Variants in SLC26A7 observed in about 807,000 individuals in gnomAD.
SLC26A7 encodes anion exchange transporter.
Under a neutral mutation model 82.5 loss-of-function variants are expected in SLC26A7, and 59 were observed. That is an observed-to-expected ratio of 0.72 (90% CI 0.58 to 0.89). The LOEUF (loss-of-function observed/expected upper bound fraction) is 0.89. Among genes scored for constraint, SLC26A7 ranks in the 40% least tolerant of loss-of-function variants. SLC26A7 has a pLI of 0.00. For missense variants in SLC26A7, 820 were observed against 793.0 expected, an observed-to-expected ratio of 1.03 and a Z score of -0.41; for synonymous variants, 271 against 274.3, an observed-to-expected ratio of 0.99 and a Z score of 0.12.
intron 10 of SLC26A7, among the ~76,000 whole-genome samples, 186 bp from the exon 11 acceptor site, chr8:91,352,710 ATATAT>A (rs1813750926): frequency 6.6e-6 from 1 of 152,088 alleles, no homozygotes; most frequent in Non-Finnish European, 1.5e-5. Context: ...ATTCTAGAAT[ATATAT>A]TATATTCCTA....
At chr8:91,244,391 T>C (rs991196118), upstream of SLC26A7, among the ~76,000 whole-genome samples, 1 of 151,814 alleles carries the variant, frequency 6.6e-6, no homozygotes, top group Non-Finnish European at 1.5e-5. Context: ...CTCCCCTCTT[T>C]CCCTCTTTTC....
rs75203402 is a variant in SLC26A7 at position 91,264,606 on chromosome 8, C to T, written c.193+14762C>T. On this transcript the variant is annotated intron_variant, in intron 2 of 18. Coordinates refer to ENST00000276609, the MANE Select transcript of SLC26A7 (RefSeq NM_052832.4). Reference sequence around the variant, plus strand: ...ATGATGTTGTTTCTATTGTTGATAGCTCTGTATTACAGGTCACTTAATCTC... The same window carrying T: ...ATGATGTTGTTTCTATTGTTGATAGTTCTGTATTACAGGTCACTTAATCTC... Among the ~76,000 whole-genome samples, 675 of 152,076 alleles carry T rather than the reference C, an allele frequency of 4.4e-3. 5 individuals carry two copies. The highest frequency in any genetic ancestry group is 0.016 in the African/African-American group (656 of 41,514).
chr8:91,329,969 G>C (rs371266726), intron 5 of SLC26A7, among the ~76,000 whole-genome samples: 18 of 152,170 alleles, frequency 1.2e-4, no homozygotes, highest in African/African-American at 4.3e-4. Flanking sequence ...CCACAACATA[G>C]AGACAGAGAG....
intron 2 of SLC26A7, among the ~76,000 whole-genome samples, chr8:91,231,603 T>G (rs1406691445): frequency 6.6e-6 from 1 of 152,198 alleles, no homozygotes; most frequent in African/African-American, 2.4e-5. Context: ...CTTTTTCTGT[T>G]TCTTCTGAAG....
chr8:91,325,246 G>A (rs1812900348), intron 5 of SLC26A7, among the ~76,000 whole-genome samples: 1 of 152,080 alleles, frequency 6.6e-6, no homozygotes, highest in Admixed American at 6.6e-5. Flanking sequence ...AATTAATTAA[G>A]ACATTAAATG....
At chr8:91,387,492 C>G (rs1471631794) in intron 15 of SLC26A7, among the ~76,000 whole-genome samples, 2 of 152,188 alleles carry the variant, frequency 1.3e-5, no homozygotes, top group East Asian at 3.9e-4. Flanking sequence ...ACTGGAGTAC[C>G]TGGCATATAG....
chr8:91,308,056 ATTACATTTAG>A (rs1202763110), intron 4 of SLC26A7, among the ~76,000 whole-genome samples: 1 of 152,148 alleles, frequency 6.6e-6, no homozygotes, highest in Non-Finnish European at 1.5e-5. Flanking sequence ...AGGATACCAC[ATTACATTTAG>A]TTGTCCTGTC....
At chr8:91,348,290 T>C in intron 9 of SLC26A7, 1 of 983,988 alleles carries the variant, frequency 1.0e-6, no homozygotes, top group Non-Finnish European at 1.2e-6. Context: ...TTTCACTACT[T>C]TCCACAAGAC....
At chr8:91,388,012 C>G (rs944579686) in intron 15 of SLC26A7, among the ~76,000 whole-genome samples, 11 of 152,208 alleles carry the variant, frequency 7.2e-5, no homozygotes, top group Non-Finnish European at 1.3e-4. Context: ...ACCTGACTAC[C>G]ACTTTTCAAA....
intron 9 of SLC26A7, among the ~76,000 whole-genome samples, chr8:91,350,060 C>A (rs1290854449): frequency 6.6e-6 from 1 of 152,056 alleles, no homozygotes; most frequent in Non-Finnish European, 1.5e-5. Flanking sequence ...ATCATTAGTT[C>A]CCCTACTGAT....
At chr8:91,369,331 A>T (rs1814287785) in intron 14 of SLC26A7, among the ~76,000 whole-genome samples, 1 of 151,168 alleles carries the variant, frequency 6.6e-6, no homozygotes, top group Non-Finnish European at 1.5e-5. Context: ...AGAGGCATCA[A>T]TTATTGTCAG....
intron 1 of SLC26A7, 56 bp downstream of exon 1, chr8:91,249,469 C>A (rs1172038023): frequency 9.5e-6 from 4 of 419,184 alleles, no homozygotes; most frequent in African/African-American, 2.1e-5. Flanking sequence ...AAAAAGACAG[C>A]TGCATATATT....
intron 2 of SLC26A7, among the ~76,000 whole-genome samples, chr8:91,250,066 T>A (rs767492692): frequency 6.6e-6 from 1 of 152,150 alleles, no homozygotes; most frequent in Non-Finnish European, 1.5e-5. Flanking sequence ...TTGAATGACA[T>A]TACATTTTTT....
intron 15 of SLC26A7, among the ~76,000 whole-genome samples, chr8:91,371,895 A>T (rs1366490165): frequency 6.6e-6 from 1 of 151,714 alleles, no homozygotes; most frequent in African/African-American, 2.4e-5. Flanking sequence ...ATACTTACCA[A>T]CATCTGTTAG....
At chr8:91,349,348 T>C (rs1370288897) in intron 9 of SLC26A7, among the ~76,000 whole-genome samples, 1 of 152,208 alleles carries the variant, frequency 6.6e-6, no homozygotes, top group East Asian at 1.9e-4. Flanking sequence ...TCCATTTAAC[T>C]CTTGACTTAT....
At chr8:91,279,720 C>T (rs756929060) in intron 2 of SLC26A7, among the ~76,000 whole-genome samples, 7 of 151,982 alleles carry the variant, frequency 4.6e-5, no homozygotes, top group East Asian at 3.9e-4. Flanking sequence ...CCACCACGCC[C>T]GGCTAATTTT....
chr8:91,358,691 T>C (rs192400337), intron 11 of SLC26A7, among the ~76,000 whole-genome samples: 2 of 152,112 alleles, frequency 1.3e-5, no homozygotes, highest in African/African-American at 2.4e-5. Flanking sequence ...AACCCTAATG[T>C]CCAACATAGA....
intron 2 of SLC26A7, among the ~76,000 whole-genome samples, chr8:91,251,967 T>C (rs1470865739): frequency 6.6e-6 from 1 of 152,112 alleles, no homozygotes; most frequent in Admixed American, 6.6e-5. Flanking sequence ...GAAAAATAAC[T>C]AGAATAGGAT....
intron 4 of SLC26A7, among the ~76,000 whole-genome samples, chr8:91,300,455 G>A (rs1308783918): frequency 6.6e-6 from 1 of 150,950 alleles, no homozygotes; most frequent in Non-Finnish European, 1.5e-5. Flanking sequence ...TGGAGTGCAG[G>A]GGCGCGATCT....
Sources: gnomAD v4.1 joint callset for allele counts (sites outside exome capture counted in the v4.1 genomes callset) on GRCh38, gnomAD v4.1.1 for gene constraint, MANE v1.5 for transcripts, NCBI Gene and HGNC (gene_info 2026-07-23, HGNC 2026-07-21) for gene names.